Variants in CDH13 observed in about 807,000 individuals in gnomAD.
The protein encoded by CDH13 is cadherin-13.
CDH13 carries 24 observed loss-of-function variants against 63.8 expected under a neutral mutation model. The observed-to-expected ratio is 0.38, with a 90% CI of 0.27 to 0.53. The LOEUF is 0.53. CDH13 is among the 20% of genes least tolerant of loss of function. CDH13 has a pLI of 0.85. For missense variants in CDH13, 1,049 were observed against 903.1 expected (o/e 1.16, Z -2.07); for synonymous variants, 503 against 355.3 (o/e 1.42, Z -4.67).
intron 6 of CDH13, among the ~76,000 whole-genome samples, chr16:83,429,329 G>T (rs561246289): frequency 6.6e-6 from 1 of 152,102 alleles, no homozygotes; most frequent in African/African-American, 2.4e-5. Context: ...TGAGGTACAG[G>T]GGACTTATGC....
chr16:83,787,417 G>A (rs564975093), intron 13 of CDH13, among the ~76,000 whole-genome samples: 9 of 152,184 alleles, frequency 5.9e-5, no homozygotes, highest in Non-Finnish European at 1.0e-4. Context: ...AGCCCACAGC[G>A]TTCCTTGGCT....
At chr16:82,811,544 C>T (rs1040811901) in intron 1 of CDH13, among the ~76,000 whole-genome samples, 2 of 152,070 alleles carry the variant, frequency 1.3e-5, no homozygotes, top group Non-Finnish European at 1.5e-5. Flanking sequence ...AGTTGAAGAA[C>T]CTGCTTAATT....
At position 83,032,089 on chromosome 16, in the gene CDH13, C is replaced by T. The variant is rs764913956; in HGVS notation, c.237C>T (p.Gly79=). 8.2e-5 allele frequency: 132 copies of T among 1,612,636 alleles called. No homozygotes were observed. Among genetic ancestry groups the T allele is most frequent in the Non-Finnish European group, 9.2e-5 (108 of 1,179,388 alleles). The change falls in exon 3 of 14, where the codon GGC becomes GGT. Residue 79 remains glycine, a synonymous_variant. Coordinates refer to ENST00000567109, the MANE Select transcript of CDH13 (RefSeq NM_001257.5). ...SSPYFKVNSD[G]GLVALRNITA... ...CATACTTCAAGGTGAACAGCGATGG[C>T]GGCTTAGTTGCTCTGAGAAACATAA...
chr16:83,693,089 AAAAAG>A (rs1165371456), intron 10 of CDH13, among the ~76,000 whole-genome samples: 6 of 152,310 alleles, frequency 3.9e-5, no homozygotes, highest in African/African-American at 1.2e-4. Context: ...TCTCGAAGAA[AAAAAG>A]AAAAGAAAAG....
chr16:83,790,991 T>C (rs1426079174), intron 13 of CDH13, among the ~76,000 whole-genome samples: 2 of 152,088 alleles, frequency 1.3e-5, no homozygotes, highest in Admixed American at 6.6e-5. Context: ...GAGGGTAAGA[T>C]GTAGACAAAC....
intron 5 of CDH13, among the ~76,000 whole-genome samples, chr16:83,234,720 C>T (rs1429755954): frequency 6.6e-6 from 1 of 152,216 alleles, no homozygotes; most frequent in Non-Finnish European, 1.5e-5. Flanking sequence ...CCCAGCCCCT[C>T]TGGAGCTTAT....
chr16:82,900,659 G>A (rs1455093899), intron 2 of CDH13, among the ~76,000 whole-genome samples: 8 of 152,172 alleles, frequency 5.3e-5, no homozygotes, highest in Non-Finnish European at 1.2e-4. Context: ...AGTAATTGAT[G>A]AACCAACGTC....
At chr16:83,792,353 G>A (rs924587836) in intron 13 of CDH13, among the ~76,000 whole-genome samples, 40 of 151,278 alleles carry the variant, frequency 2.6e-4, no homozygotes, top group African/African-American at 8.7e-4. Flanking sequence ...GCCCTGGGAC[G>A]AGTCACTTAT....
At chr16:83,355,168 A>G (rs76723462) in intron 6 of CDH13, among the ~76,000 whole-genome samples, 2,834 of 152,302 alleles carry the variant, frequency 0.019, 44 homozygotes, top group East Asian at 0.073. Flanking sequence ...AGGCATTTCA[A>G]TGTTCTAGGC....
At chr16:83,181,254 T>C (rs2038340721) in intron 4 of CDH13, among the ~76,000 whole-genome samples, 1 of 152,190 alleles carries the variant, frequency 6.6e-6, no homozygotes, top group Non-Finnish European at 1.5e-5. Context: ...AGGTGTTTAA[T>C]TGCAACGTGT....
chr16:82,806,301 A>G (rs1239199015), intron 1 of CDH13, among the ~76,000 whole-genome samples: 1 of 152,160 alleles, frequency 6.6e-6, no homozygotes, highest in African/African-American at 2.4e-5. Context: ...TTTCCAGCCC[A>G]GGGAGTCTTT....
chr16:83,706,595 G>C (rs1440441464), intron 10 of CDH13, among the ~76,000 whole-genome samples: 1 of 152,180 alleles, frequency 6.6e-6, no homozygotes, highest in Non-Finnish European at 1.5e-5. Flanking sequence ...AAATGACTGT[G>C]ATTGCTGACT....
At chr16:83,787,311 T>C (rs984099177) in intron 13 of CDH13, among the ~76,000 whole-genome samples, 2 of 152,180 alleles carry the variant, frequency 1.3e-5, no homozygotes, top group Non-Finnish European at 2.9e-5. Context: ...TATTGTTTGT[T>C]TGTTTGTTTG....
At chr16:82,872,067 G>A (rs2040360895) in intron 2 of CDH13, among the ~76,000 whole-genome samples, 1 of 152,212 alleles carries the variant, frequency 6.6e-6, no homozygotes, top group African/African-American at 2.4e-5. Flanking sequence ...GGAAGGAAAT[G>A]ATGCTGGGCT....
intron 1 of CDH13, among the ~76,000 whole-genome samples, chr16:82,836,731 C>A (rs1021090511): frequency 6.6e-6 from 1 of 152,158 alleles, no homozygotes; most frequent in South Asian, 2.1e-4. Flanking sequence ...TACACCTGGG[C>A]TCAGCTTAGA....
At chr16:83,161,692 C>G (rs1301020389) in intron 4 of CDH13, among the ~76,000 whole-genome samples, 2 of 152,164 alleles carry the variant, frequency 1.3e-5, no homozygotes, top group African/African-American at 4.8e-5. Flanking sequence ...GAATCACCCA[C>G]CATGGTTCTC....
chr16:83,180,225 T>C (rs1016855855), intron 4 of CDH13, among the ~76,000 whole-genome samples: 19 of 152,296 alleles, frequency 1.2e-4, no homozygotes, highest in African/African-American at 3.4e-4. Flanking sequence ...TCAATCAACA[T>C]ATTTTAAGAG....
intron 3 of CDH13, among the ~76,000 whole-genome samples, chr16:83,041,484 A>G (rs1296387273): frequency 1.3e-5 from 2 of 152,178 alleles, no homozygotes; most frequent in African/African-American, 2.4e-5. Flanking sequence ...ATAAAAATAT[A>G]AAATATATCG....
intron 11 of CDH13, among the ~76,000 whole-genome samples, chr16:83,760,753 A>G (rs576835584): frequency 2.6e-4 from 39 of 152,206 alleles, no homozygotes; most frequent in Non-Finnish European, 5.0e-4. Flanking sequence ...TGATACATGA[A>G]GATTTCTATG....
Sources: gnomAD v4.1 joint callset for allele counts (sites outside exome capture counted in the v4.1 genomes callset) on GRCh38, gnomAD v4.1.1 for gene constraint, MANE v1.5 for transcripts, NCBI Gene and HGNC (gene_info 2026-07-23, HGNC 2026-07-21) for gene names.